The following HS3ST2 variants were observed in gnomAD, a reference collection of about 807,000 sequenced individuals.
HS3ST2 encodes heparan sulfate glucosamine 3-O-sulfotransferase 2.
HS3ST2 carries 17 observed loss-of-function variants against 26.3 expected under a neutral mutation model. That is an observed-to-expected ratio of 0.65 (90% CI 0.44 to 0.97). The LOEUF is 0.97. Ranked by LOEUF, HS3ST2 falls within the 50% of genes least tolerant of loss-of-function variation. The pLI is 0.00. For synonymous variants in HS3ST2, 237 were observed against 219.2 expected, an observed-to-expected ratio of 1.08 and a Z score of -0.72; for missense variants, 402 against 501.2, an observed-to-expected ratio of 0.80 and a Z score of 1.89.
chr16:22,898,106 C>T (rs929311528), intron 1 of HS3ST2, among the ~76,000 whole-genome samples: 5 of 152,124 alleles, frequency 3.3e-5, no homozygotes, highest in African/African-American at 1.2e-4. Flanking sequence ...TTAACAAGCA[C>T]AATATTTGGT....
At chr16:22,839,704 C>T (rs1901325190) in intron 1 of HS3ST2, among the ~76,000 whole-genome samples, 1 of 151,930 alleles carries the variant, frequency 6.6e-6, no homozygotes, top group Non-Finnish European at 1.5e-5. Flanking sequence ...GCTACTCTTG[C>T]TAGTTAGAAT....
At chr16:22,820,137 A>G (rs448189) in intron 1 of HS3ST2, among the ~76,000 whole-genome samples, 34,768 of 152,130 alleles carry the variant, frequency 0.23, 4,001 homozygotes, top group Non-Finnish European at 0.25. Flanking sequence ...AACGTCACAC[A>G]GTATGATTAA....
chr16:22,876,717 A>G (rs904394184), intron 1 of HS3ST2, among the ~76,000 whole-genome samples: 4 of 152,204 alleles, frequency 2.6e-5, no homozygotes, highest in South Asian at 2.1e-4. Context: ...TTGAAAAAAT[A>G]TGGATCCAGC....
At chr16:22,895,392 T>G (rs1323503982) in intron 1 of HS3ST2, among the ~76,000 whole-genome samples, 1 of 152,208 alleles carries the variant, frequency 6.6e-6, no homozygotes, top group Non-Finnish European at 1.5e-5. Context: ...ATTGAATGAT[T>G]CACTTTGTCT....
At chr16:22,905,847 G>T (rs1270525021) in intron 1 of HS3ST2, among the ~76,000 whole-genome samples, 1 of 152,134 alleles carries the variant, frequency 6.6e-6, no homozygotes. Context: ...AAGCTTCTCT[G>T]ATCGTAAGAA....
chr16:22,846,753 C>T (rs1901438778), intron 1 of HS3ST2, among the ~76,000 whole-genome samples: 1 of 152,194 alleles, frequency 6.6e-6, no homozygotes, highest in Non-Finnish European at 1.5e-5. Context: ...CCCCAGAGAT[C>T]CACTCCTAGG....
At chr16:22,817,441 A>T (rs553996324) in intron 1 of HS3ST2, among the ~76,000 whole-genome samples, 4 of 152,320 alleles carry the variant, frequency 2.6e-5, no homozygotes, top group African/African-American at 9.6e-5. Context: ...ATACTACCCC[A>T]CTTAGATGCT....
chr16:22,860,939 C>G (rs955316174), intron 1 of HS3ST2, among the ~76,000 whole-genome samples: 11 of 151,586 alleles, frequency 7.3e-5, no homozygotes, highest in Admixed American at 4.6e-4. Flanking sequence ...GTGGTGTGGT[C>G]GTAGCTCAAT....
At chr16:22,837,677 T>A (rs1487702220) in intron 1 of HS3ST2, among the ~76,000 whole-genome samples, 1 of 150,984 alleles carries the variant, frequency 6.6e-6, no homozygotes, top group African/African-American at 2.4e-5. Context: ...ATGATAAAGT[T>A]TAAGCTTCAA....
chr16:22,877,819 G>T (rs66517528), intron 1 of HS3ST2, among the ~76,000 whole-genome samples: 10,342 of 152,322 alleles, frequency 0.068, 443 homozygotes, highest in South Asian at 0.12. Context: ...AAGTAAGACA[G>T]TGCCGTGTAA....
chr16:22,909,492 C>T (rs1254009366), intron 1 of HS3ST2, among the ~76,000 whole-genome samples: 1 of 152,196 alleles, frequency 6.6e-6, no homozygotes, highest in African/African-American at 2.4e-5. Flanking sequence ...ATCACGTCTT[C>T]CTCCAATGTG....
chr16:22,896,240 A>G (rs866933330), intron 1 of HS3ST2, among the ~76,000 whole-genome samples: 1 of 152,052 alleles, frequency 6.6e-6, no homozygotes, highest in Non-Finnish European at 1.5e-5. Flanking sequence ...TTTCCACACC[A>G]TCACTCAGAA....
intron 1 of HS3ST2, among the ~76,000 whole-genome samples, chr16:22,889,595 C>T (rs73534725): frequency 1.3e-5 from 2 of 152,218 alleles, no homozygotes; most frequent in Non-Finnish European, 2.9e-5. Flanking sequence ...TGGAAAAAAT[C>T]CCCAATCTGA....
At position 22,871,750 on chromosome 16, in the gene HS3ST2, G is replaced by A. The variant is rs148413223; in HGVS notation, c.486-43194G>A. On this transcript the variant is annotated intron_variant, in intron 1 of 1. Coordinates refer to ENST00000261374, the MANE Select transcript of HS3ST2 (RefSeq NM_006043.2). ...GCCCAATGCCCTTCTATCCACAGGG[G>A]CCTGTGATTTGACAGGCAAAGTCTC... Among the ~76,000 whole-genome samples the A allele has an allele frequency of 3.3e-5, 5 of 152,310 alleles. No homozygotes were observed. In the East Asian group the frequency reaches 9.6e-4, roughly 29 times the overall value.
chr16:22,843,058 T>A (rs1365951164), intron 1 of HS3ST2, among the ~76,000 whole-genome samples: 1 of 152,204 alleles, frequency 6.6e-6, no homozygotes, highest in Non-Finnish European at 1.5e-5. Flanking sequence ...TTTTGACATG[T>A]TGTGTAGGGA....
At chr16:22,875,249 G>A (rs906239833) in intron 1 of HS3ST2, among the ~76,000 whole-genome samples, 1 of 151,908 alleles carries the variant, frequency 6.6e-6, no homozygotes, top group African/African-American at 2.4e-5. Flanking sequence ...TGAGCTAAGC[G>A]TTATGATGAA....
In HS3ST2 at chr16:22,888,480, G is replaced by A. The variant is rs373036022; in HGVS notation, c.486-26464G>A. Among the ~76,000 whole-genome samples, 67 of 146,070 alleles carry A rather than the reference G, an allele frequency of 4.6e-4. No individual in the cohort carries two copies. The East Asian group carries it at 7.7e-3, about 17-fold the overall frequency. ...CAGCTCACTGCAACCTCCACCTCCCGGGTTCAAGCAATTCTCCTGCCTCAG... is the reference window on the plus strand; with the variant it reads ...CAGCTCACTGCAACCTCCACCTCCCAGGTTCAAGCAATTCTCCTGCCTCAG... On this transcript the variant is annotated intron_variant, in intron 1 of 1. Transcript: ENST00000261374.
intron 1 of HS3ST2, among the ~76,000 whole-genome samples, chr16:22,866,389 T>TGG (rs1901753109): frequency 6.6e-6 from 1 of 151,350 alleles, no homozygotes; most frequent in Non-Finnish European, 1.5e-5. Context: ...TGTGTGTGTG[T>TGG]GTGTGTGTGT....
At chr16:22,815,796 C>T (rs961116008) in intron 1 of HS3ST2, among the ~76,000 whole-genome samples, 5 of 152,154 alleles carry the variant, frequency 3.3e-5, no homozygotes, top group African/African-American at 9.7e-5. Flanking sequence ...CTCATCCATC[C>T]CAATGGGCAG....
Sources: gnomAD v4.1 joint callset for allele counts (sites outside exome capture counted in the v4.1 genomes callset) on GRCh38, gnomAD v4.1.1 for gene constraint, MANE v1.5 for transcripts, NCBI Gene and HGNC (gene_info 2026-07-23, HGNC 2026-07-21) for gene names.